Variants in MCC observed in about 807,000 individuals in gnomAD.
MCC encodes the protein MCC regulator of Wnt signaling pathway.
A neutral mutation model predicts 116.2 loss-of-function variants in MCC; 90 were observed. The ratio of observed to expected loss-of-function variants is 0.77; its 90% CI spans 0.65 to 0.92. The LOEUF is 0.92. Ranked by LOEUF, MCC falls within the 40% of genes least tolerant of loss-of-function variation. The pLI, the probability that MCC is intolerant of heterozygous loss-of-function variation, is 0.00. For missense variants in MCC, 1,516 were observed against 1,312.2 expected (o/e 1.16, Z -2.40); for synonymous variants, 578 against 510.5 (o/e 1.13, Z -1.78).
At chr5:113,082,396 T>G (rs112426755) in intron 11 of MCC, among the ~76,000 whole-genome samples, 1 of 152,220 alleles carries the variant, frequency 6.6e-6, no homozygotes, top group East Asian at 1.9e-4. Flanking sequence ...TAGCTCCAAG[T>G]GCCTCTAGGA....
chr5:113,330,218 T>C (rs1676058278), intron 3 of MCC, among the ~76,000 whole-genome samples: 2 of 152,224 alleles, frequency 1.3e-5, no homozygotes, highest in African/African-American at 4.8e-5. Flanking sequence ...CTGCCGCCCA[T>C]GTAATGGAGC....
chr5:113,363,303 A>C (rs1248759923), intron 2 of MCC, among the ~76,000 whole-genome samples: 1 of 152,210 alleles, frequency 6.6e-6, no homozygotes, highest in East Asian at 1.9e-4. Context: ...AAACAAACAA[A>C]AAAAACCCTG....
intron 3 of MCC, among the ~76,000 whole-genome samples, chr5:113,164,607 T>C (rs1265944702): frequency 6.6e-6 from 1 of 152,180 alleles, no homozygotes; most frequent in African/African-American, 2.4e-5. Flanking sequence ...ATTCTCACAG[T>C]AAACCGAGAT....
intron 13 of MCC, among the ~76,000 whole-genome samples, chr5:113,065,414 C>A (rs1753535040): frequency 6.6e-6 from 1 of 152,144 alleles, no homozygotes; most frequent in East Asian, 1.9e-4. Flanking sequence ...GCTGGCTGAA[C>A]AAATCACTGG....
intron 5 of MCC, among the ~76,000 whole-genome samples, chr5:113,131,769 G>A (rs750907634): frequency 1.3e-5 from 2 of 152,032 alleles, no homozygotes; most frequent in South Asian, 2.1e-4. Flanking sequence ...GCATTTCATC[G>A]GCAGAGTTAA....
intron 3 of MCC, among the ~76,000 whole-genome samples, chr5:113,263,935 A>G (rs1404090264): frequency 6.6e-6 from 1 of 151,322 alleles, no homozygotes; most frequent in Non-Finnish European, 1.5e-5. Flanking sequence ...AGAAGAAAAA[A>G]AGAAAAAAAA....
At chr5:113,093,457 A>C (rs1329962064) in intron 8 of MCC, among the ~76,000 whole-genome samples, 2 of 150,126 alleles carry the variant, frequency 1.3e-5, no homozygotes, top group Non-Finnish European at 3.0e-5. Flanking sequence ...TATCTTATCT[A>C]TCTATCTGTT....
At chr5:113,037,468 G>A (rs2416301) in intron 17 of MCC, among the ~76,000 whole-genome samples, 8 of 152,166 alleles carry the variant, frequency 5.3e-5, no homozygotes, top group African/African-American at 1.4e-4. Flanking sequence ...TGAGGCGGGC[G>A]GATCAGTTGA....
chr5:113,036,414 C>A (rs117214125), intron 17 of MCC, among the ~76,000 whole-genome samples: 1 of 152,256 alleles, frequency 6.6e-6, no homozygotes, highest in East Asian at 1.9e-4. Flanking sequence ...AGCCTGTGCC[C>A]TTACGCATCT....
intron 3 of MCC, chr5:113,294,652 G>T: frequency 9.1e-7 from 1 of 1,095,894 alleles, no homozygotes; most frequent in African/African-American, 1.7e-5. Context: ...CGGAGCCCGC[G>T]CGGGGACCCT....
chr5:113,209,730 C>G (rs542304866), intron 3 of MCC, among the ~76,000 whole-genome samples: 1 of 152,164 alleles, frequency 6.6e-6, no homozygotes, highest in African/African-American at 2.4e-5. Flanking sequence ...GGGTCAGGAG[C>G]CTTCCATGGC....
At chr5:113,392,543 C>G (rs1427013617) in intron 1 of MCC, among the ~76,000 whole-genome samples, 1 of 151,824 alleles carries the variant, frequency 6.6e-6, no homozygotes, top group African/African-American at 2.4e-5. Flanking sequence ...TCAAGCATAC[C>G]CTTCAACCAG....
At chr5:113,433,592 A>G in intron 1 of MCC, 1 of 1,090,066 alleles carries the variant, frequency 9.2e-7, no homozygotes, top group Non-Finnish European at 1.3e-6. Context: ...CATGTGGGTT[A>G]CCAAGTTCAA....
At chr5:113,269,217 C>T (rs865846590) in intron 3 of MCC, 1 of 985,200 alleles carries the variant, frequency 1.0e-6, no homozygotes, top group Non-Finnish European at 1.2e-6. Flanking sequence ...GGCGTCAGGG[C>T]CCCGCAATCT....
At chr5:113,117,845 G>A (rs938744081) in intron 6 of MCC, among the ~76,000 whole-genome samples, 1 of 152,188 alleles carries the variant, frequency 6.6e-6, no homozygotes, top group Non-Finnish European at 1.5e-5. Context: ...ATGAAGGGCC[G>A]CAAAATCTGA....
At chr5:113,437,272 C>T (rs1180497756) in intron 1 of MCC, 4 of 152,204 alleles carry the variant, frequency 2.6e-5, no homozygotes, top group Non-Finnish European at 5.9e-5. Context: ...GGGAAGACAG[C>T]TTCTTGCAAA....
At chr5:113,215,950 T>G (rs1385360894) in intron 3 of MCC, among the ~76,000 whole-genome samples, 2 of 152,192 alleles carry the variant, frequency 1.3e-5, no homozygotes, top group Non-Finnish European at 2.9e-5. Flanking sequence ...AATCGCTTTG[T>G]TGTTCAATCA....
intron 2 of MCC, among the ~76,000 whole-genome samples, chr5:113,365,683 A>G (rs1026493066): frequency 6.6e-6 from 1 of 152,220 alleles, no homozygotes. Flanking sequence ...TTTATAAAGA[A>G]AAGAGGTTTA....
intron 3 of MCC, among the ~76,000 whole-genome samples, chr5:113,153,281 C>A (rs914673656): frequency 3.9e-5 from 6 of 152,150 alleles, no homozygotes; most frequent in African/African-American, 1.4e-4. Context: ...ATCTCCCCTC[C>A]TACTTCTGGG....
Sources: allele counts gnomAD v4.1 joint callset (sites outside exome capture counted in the v4.1 genomes callset), GRCh38; gene constraint gnomAD v4.1.1; transcripts MANE v1.5; gene names NCBI Gene and HGNC (gene_info 2026-07-23, HGNC 2026-07-21).